TMTC2: variants seen among roughly 807,000 people sequenced by gnomAD.
TMTC2 encodes the protein protein O-mannosyl-transferase TMTC2.
A neutral mutation model predicts 82.4 loss-of-function variants in TMTC2; 43 were observed. That is an observed-to-expected ratio of 0.52 (90% CI 0.41 to 0.67). The LOEUF is 0.67. TMTC2 is among the 30% of genes least tolerant of loss of function. The probability of loss-of-function intolerance (pLI) is 0.00; values close to 1 mark genes in which losing one functional copy is unlikely to be tolerated. For synonymous variants in TMTC2, 408 were observed against 381.9 expected (o/e 1.07, Z -0.80); for missense variants, 919 against 1,012.4 (o/e 0.91, Z 1.25).
intron 1 of TMTC2, among the ~76,000 whole-genome samples, chr12:82,735,722 C>G (rs1212067842): frequency 6.6e-6 from 1 of 151,716 alleles, no homozygotes; most frequent in African/African-American, 2.4e-5. Flanking sequence ...GTCTCAGCAC[C>G]TTGGGAGCCC....
intron 1 of TMTC2, among the ~76,000 whole-genome samples, chr12:82,786,197 G>A (rs1047320274): frequency 6.6e-6 from 1 of 152,180 alleles, no homozygotes; most frequent in East Asian, 1.9e-4. Context: ...TGGGTGTAAA[G>A]TGTTAGAAAG....
At chr12:82,768,912 C>G (rs558470694) in intron 1 of TMTC2, among the ~76,000 whole-genome samples, 1 of 151,930 alleles carries the variant, frequency 6.6e-6, no homozygotes, top group Admixed American at 6.6e-5. Context: ...ATGCTTTTTC[C>G]TTAATGAGGC....
chr12:82,789,151 G>A (rs1273900634), intron 1 of TMTC2, among the ~76,000 whole-genome samples: 1 of 151,946 alleles, frequency 6.6e-6, no homozygotes, highest in Non-Finnish European at 1.5e-5. Context: ...CCAGATTCAC[G>A]CTTTTGTCGT....
At chr12:82,819,191 A>T (rs1194382258) in intron 1 of TMTC2, among the ~76,000 whole-genome samples, 1 of 151,980 alleles carries the variant, frequency 6.6e-6, no homozygotes, top group Non-Finnish European at 1.5e-5. Context: ...TTTTCTTTGA[A>T]AGGAAGGCTA....
intron 2 of TMTC2, among the ~76,000 whole-genome samples, chr12:82,878,192 G>T (rs1400183185): frequency 6.6e-6 from 1 of 152,206 alleles, no homozygotes; most frequent in Non-Finnish European, 1.5e-5. Flanking sequence ...GCTATGGATA[G>T]TAAGTCAGTG....
intron 1 of TMTC2, among the ~76,000 whole-genome samples, chr12:82,829,054 A>G (rs1004531142): frequency 3.2e-4 from 48 of 152,312 alleles, no homozygotes; most frequent in African/African-American, 1.2e-3. Context: ...ATAACTAATG[A>G]TGTTTTTCTA....
At chr12:82,971,293 A>C (rs1343460613) in intron 7 of TMTC2, among the ~76,000 whole-genome samples, 2 of 152,138 alleles carry the variant, frequency 1.3e-5, no homozygotes, top group Non-Finnish European at 2.9e-5. Context: ...ATGTCAAAAT[A>C]GTTTTCCTTT....
intron 8 of TMTC2, among the ~76,000 whole-genome samples, chr12:83,008,767 G>A (rs1319207430): frequency 1.3e-5 from 2 of 152,132 alleles, no homozygotes; most frequent in African/African-American, 2.4e-5. Context: ...TGTGAGAACT[G>A]GTATTAATCT....
At chr12:83,097,070 T>C (rs917306716) in intron 11 of TMTC2, among the ~76,000 whole-genome samples, 6 of 152,194 alleles carry the variant, frequency 3.9e-5, no homozygotes, top group Non-Finnish European at 8.8e-5. Context: ...TGTCTGTCCA[T>C]GGTAAGTGCT....
intron 4 of TMTC2, among the ~76,000 whole-genome samples, chr12:82,959,554 A>G (rs577663321): frequency 4.3e-4 from 66 of 152,266 alleles, no homozygotes; most frequent in African/African-American, 1.2e-3. Context: ...GACAAATTTG[A>G]CCAAAGTAAG....
intron 7 of TMTC2, among the ~76,000 whole-genome samples, chr12:82,968,203 C>G (rs1878301919): frequency 6.6e-6 from 1 of 152,118 alleles, no homozygotes; most frequent in Non-Finnish European, 1.5e-5. Context: ...AAACAGCACA[C>G]TGGAGTGTTT....
intron 2 of TMTC2, among the ~76,000 whole-genome samples, chr12:82,880,683 G>A (rs148705119): frequency 8.5e-5 from 13 of 152,256 alleles, no homozygotes; most frequent in South Asian, 4.1e-4. Flanking sequence ...AAAAATGATC[G>A]ACAGTTCAGT....
intron 7 of TMTC2, among the ~76,000 whole-genome samples, chr12:82,977,663 A>C (rs1878735319): frequency 6.6e-6 from 1 of 151,832 alleles, no homozygotes; most frequent in African/African-American, 2.4e-5. Flanking sequence ...CATGATATAG[A>C]AAATGTTTTG....
chr12:82,788,928 G>A (rs916449534), intron 1 of TMTC2, among the ~76,000 whole-genome samples: 2 of 152,066 alleles, frequency 1.3e-5, no homozygotes, highest in African/African-American at 4.8e-5. Context: ...CACTTTGGGA[G>A]GCCAAAGCAG....
intron 11 of TMTC2, among the ~76,000 whole-genome samples, chr12:83,073,595 T>C (rs912846529): frequency 1.3e-5 from 2 of 152,170 alleles, no homozygotes; most frequent in Non-Finnish European, 2.9e-5. Flanking sequence ...AGAATTGTCT[T>C]CTTCCTCAGG....
chr12:82,902,818 T>C (rs548484542), intron 3 of TMTC2, among the ~76,000 whole-genome samples: 1 of 152,300 alleles, frequency 6.6e-6, no homozygotes, highest in South Asian at 2.1e-4. Context: ...CCTCATGTAA[T>C]ATGCCTTTGT....
intron 1 of TMTC2, among the ~76,000 whole-genome samples, chr12:82,752,512 A>G (rs1396890314): frequency 2.0e-5 from 3 of 151,926 alleles, no homozygotes; most frequent in African/African-American, 7.3e-5. Flanking sequence ...AAAACAAAGA[A>G]TCTTAGGGCT....
chr12:83,065,741 C>T (rs1882896412), intron 11 of TMTC2, among the ~76,000 whole-genome samples: 1 of 151,844 alleles, frequency 6.6e-6, no homozygotes, highest in Non-Finnish European at 1.5e-5. Context: ...AAAATGCTGA[C>T]TCTCAAGGAC....
chr12:82,926,875 T>A (rs1875748411), intron 3 of TMTC2, among the ~76,000 whole-genome samples: 1 of 152,218 alleles, frequency 6.6e-6, no homozygotes, highest in African/African-American at 2.4e-5. Context: ...CTGAATATAT[T>A]AAGCTTAATG....
Sources: gnomAD v4.1 joint callset for allele counts (sites outside exome capture counted in the v4.1 genomes callset) on GRCh38, gnomAD v4.1.1 for gene constraint, MANE v1.5 for transcripts, NCBI Gene and HGNC (gene_info 2026-07-23, HGNC 2026-07-21) for gene names.